Variants in FBXO3 observed in about 807,000 individuals in gnomAD.
FBXO3 encodes the protein F-box protein 3, also known as F-box only protein 3.
FBXO3 carries 17 observed loss-of-function variants against 64.8 expected under a neutral mutation model. The ratio of observed to expected loss-of-function variants is 0.26; its 90% CI spans 0.18 to 0.39. The LOEUF is 0.39. FBXO3 is among the 10% of genes least tolerant of loss of function. FBXO3 has a pLI of 1.00. For missense variants in FBXO3, 420 were observed against 589.9 expected (o/e 0.71, Z 2.98); for synonymous variants, 182 against 201.6 (o/e 0.90, Z 0.82).
intron 2 of FBXO3, among the ~76,000 whole-genome samples, chr11:33,769,738 C>G (rs1191226903): frequency 6.6e-6 from 1 of 151,478 alleles, no homozygotes; most frequent in Non-Finnish European, 1.5e-5. Flanking sequence ...GAGAGAGAGA[C>G]ACGCCTAGGA....
intron 3 of FBXO3, chr11:33,763,107 C>A: frequency 5.0e-6 from 1 of 199,488 alleles, no homozygotes; most frequent in Non-Finnish European, 1.1e-5. Flanking sequence ...GGAATTGAAT[C>A]CATAATTTAA....
chr11:33,748,915 A>G (rs377524002), intron 8 of FBXO3, 23 bp from the exon 9 acceptor site: 133 of 1,515,082 alleles, frequency 8.8e-5, no homozygotes, highest in Non-Finnish European at 1.2e-4. Flanking sequence ...ATGGGGTGGT[A>G]GAGACAAAAA....
intron 4 of FBXO3, among the ~76,000 whole-genome samples, 181 bp downstream of exon 4, chr11:33,758,306 T>C (rs1180216598): frequency 2.0e-5 from 3 of 152,242 alleles, no homozygotes; most frequent in African/African-American, 7.2e-5. Flanking sequence ...ATGAGATATA[T>C]TTATTTTGGT....
In FBXO3 at chr11:33,744,070, T is replaced by C. The variant is rs546767533; in HGVS notation, c.1240-1986A>G. 16 of 152,270 alleles carry C rather than the reference T, an allele frequency of 1.1e-4. No homozygotes were observed. In the East Asian group the frequency reaches 1.7e-3, roughly 17 times the overall value. 9.4% of individuals were successfully genotyped at this position (152,270 alleles called of 1,614,324 possible). ...ACTAACAACAATAACAGAGAAAATA[T>C]ACACTGATACGACTTATAAGACATT... On this transcript the variant is annotated intron_variant, in intron 10 of 10. Transcript: ENST00000265651.
chr11:33,743,506 C>G lies in FBXO3; in HGVS notation c.1240-1422G>C, dbSNP rs1854737093. On this transcript the variant is annotated intron_variant, in intron 10 of 10. Coordinates refer to ENST00000265651, the MANE Select transcript of FBXO3 (RefSeq NM_012175.4). This position sits in a 1 kb window ranked among gnomAD's most constrained non-coding sequence, Gnocchi z 4.6. ...TGGTATTCTGGAAAGTATGGGGCAA[C>G]TTGGGGCGTGATGTCAGCCAGAGTC... The G allele has an allele frequency of 6.6e-6, 1 of 152,256 alleles. No individual in the cohort carries two copies. The highest frequency in any genetic ancestry group is 1.5e-5 in the Non-Finnish European group (1 of 68,094). 9.4% of individuals were successfully genotyped at this position (152,256 alleles called of 1,614,324 possible). A position where few individuals can be genotyped will look rare whatever the true frequency, so the allele number is the denominator to read the frequency against.
Position 33,741,765 on chromosome 11 carries a change from T to A in FBXO3, c.*143A>T. 2 of 703,198 alleles carry A rather than the reference T, an allele frequency of 2.8e-6. No homozygotes were observed. The highest frequency in any genetic ancestry group is 4.1e-6 in the Non-Finnish European group (2 of 482,648). The allele number at this position is 703,198 out of a possible 1,614,324, so 43.6% of individuals were successfully genotyped here. A position where few individuals can be genotyped will look rare whatever the true frequency, so the allele number is the denominator to read the frequency against. The stretch of plus-strand genomic sequence containing the variant: ...CCAAACAATCCAATTCCTAATGTAG[T>A]GTCACATAGAACCCAGGGCCTGAAA... On this transcript the variant is annotated 3_prime_UTR_variant, in exon 11 of 11. Coordinates refer to ENST00000265651, the MANE Select transcript of FBXO3 (RefSeq NM_012175.4).
chr11:33,757,397 T>C (rs906411792), intron 4 of FBXO3, among the ~76,000 whole-genome samples: 2 of 150,150 alleles, frequency 1.3e-5, no homozygotes, highest in African/African-American at 4.9e-5. Context: ...GAGGATCCCT[T>C]GAGCCTAGGA....
rs755486420 is a variant in FBXO3 at position 33,769,026 on chromosome 11, A to G, written c.195-12T>C. 6.3e-7 allele frequency: 1 copy of G among 1,585,432 alleles called. No individual in the cohort carries two copies. Among genetic ancestry groups the G allele is most frequent in the South Asian group, 1.2e-5 (1 of 85,362 alleles). On this transcript the variant is annotated splice_polypyrimidine_tract_variant and intron_variant, in intron 2 of 10. Coordinates refer to ENST00000265651, the MANE Select transcript of FBXO3 (RefSeq NM_012175.4). ...GTGTTTTCTCTTCCCTAAATAGATGAAAAACATGAGATTTTAAATCTTTTA... is the reference window on the plus strand; with the variant it reads ...GTGTTTTCTCTTCCCTAAATAGATGGAAAACATGAGATTTTAAATCTTTTA...
Position 33,755,825 on chromosome 11 carries a change from T to C in FBXO3, c.624A>G (p.Ile208Met), listed in dbSNP as rs151045343. The C allele has an allele frequency of 6.9e-5, 111 of 1,614,206 alleles. 1 individual carries two copies. The African/African-American group carries it at 1.3e-3, about 19-fold the overall frequency. ...TTCGGCCCTCTGCAGCTTCCACTGC[T>C]ATGTACTGACTCAAACCAGTATGTA... ...FCIHTGLSQY[I>M]AVEAAEGRNK... is the part of the protein sequence containing the mutation. Residue 208 changes from isoleucine to methionine, a missense_variant, in exon 5 of 11, where the codon ATA becomes ATG. Physicochemically the swap from Ile to Met is conservative, Grantham distance 10 (BLOSUM62 1). This residue lies in a region of FBXO3 where 337 missense variants were observed against 518.4 expected (regional missense o/e 0.65). Coordinates refer to ENST00000265651, the MANE Select transcript of FBXO3 (RefSeq NM_012175.4).
chr11:33,757,045 CT>C (rs1178029771), intron 4 of FBXO3: 1 of 518,798 alleles, frequency 1.9e-6, no homozygotes, highest in Non-Finnish European at 3.8e-6. Flanking sequence ...GATTTGACTT[CT>C]GAATACCTTA....
intron 10 of FBXO3, chr11:33,745,167 T>C (rs544107865): frequency 6.6e-6 from 1 of 152,262 alleles, no homozygotes; most frequent in South Asian, 2.1e-4. Flanking sequence ...ATCCTTAGCA[T>C]ATTTGCATAT....
intron 6 of FBXO3, chr11:33,753,094 G>A (rs915920542): frequency 1.3e-5 from 2 of 152,190 alleles, no homozygotes; most frequent in Admixed American, 6.5e-5. Context: ...CAATTTATAT[G>A]TTCTAAGGTA....
intron 1 of FBXO3, chr11:33,774,061 T>TGCGGGGCCA (rs1164853851): frequency 5.1e-5 from 15 of 292,620 alleles, no homozygotes; most frequent in Admixed American, 1.0e-4. Context: ...GGCGGGCACC[T>TGCGGGGCCA]GCGGGGCCAG....
intron 4 of FBXO3, 103 bp from the exon 5 acceptor site, chr11:33,756,078 A>C: frequency 1.2e-6 from 1 of 810,890 alleles, no homozygotes; most frequent in Non-Finnish European, 2.0e-6. Flanking sequence ...CTTTATAAGT[A>C]CTAATTAACA....
chr11:33,770,134 C>T (rs565146685), intron 2 of FBXO3, among the ~76,000 whole-genome samples: 129 of 152,288 alleles, frequency 8.5e-4, no homozygotes, highest in African/African-American at 2.9e-3. Flanking sequence ...TCTAGCAATA[C>T]TTAAAATTCC....
intron 3 of FBXO3, among the ~76,000 whole-genome samples, chr11:33,759,973 A>T (rs1348541903): frequency 1.3e-5 from 2 of 152,226 alleles, no homozygotes; most frequent in Non-Finnish European, 2.9e-5. Context: ...TATAAACTGG[A>T]AGCCAGGTCA....
At chr11:33,759,160 A>G (rs570824215) in intron 3 of FBXO3, among the ~76,000 whole-genome samples, 1 of 152,352 alleles carries the variant, frequency 6.6e-6, no homozygotes, top group South Asian at 2.1e-4. Context: ...GCAGCCCACC[A>G]GGTTGTTGGA....
chr11:33,763,994 T>A (rs1266085648), intron 3 of FBXO3, among the ~76,000 whole-genome samples: 1 of 152,164 alleles, frequency 6.6e-6, no homozygotes, highest in Non-Finnish European at 1.5e-5. Context: ...AAGTTTAACA[T>A]AAGCAACTCT....
intron 6 of FBXO3, chr11:33,753,617 T>A (rs943068317): frequency 1.3e-5 from 2 of 152,226 alleles, no homozygotes. Context: ...TTTTATAACT[T>A]ACTAGGTAAG....
Sources: allele counts gnomAD v4.1 joint callset (sites outside exome capture counted in the v4.1 genomes callset), GRCh38; gene constraint gnomAD v4.1.1; regional missense constraint gnomAD v4.1.1; non-coding constraint Gnocchi (gnomAD v3.1); transcripts MANE v1.5; gene names NCBI Gene and HGNC (gene_info 2026-07-23, HGNC 2026-07-21).